Variants in CA10 observed in about 807,000 individuals in gnomAD.
CA10 encodes the protein carbonic anhydrase 10 (inactive).
CA10 carries 14 observed loss-of-function variants against 44.2 expected under a neutral mutation model. The ratio of observed to expected loss-of-function variants is 0.32; its 90% CI spans 0.21 to 0.50. The LOEUF is 0.50. Among genes scored for constraint, CA10 ranks in the 20% least tolerant of loss-of-function variants. CA10 has a pLI of 0.99. For missense variants in CA10, 350 were observed against 409.7 expected, an observed-to-expected ratio of 0.85 and a Z score of 1.26; for synonymous variants, 159 against 141.6, an observed-to-expected ratio of 1.12 and a Z score of -0.87.
rs187248339 is a variant in CA10, at chr17:51,640,832, C to T, written c.635-4823G>A. 1.5e-3 allele frequency among the ~76,000 whole-genome samples: 232 copies of T among 152,248 alleles called. 2 individuals carry two copies. Among genetic ancestry groups the T allele is most frequent in the Admixed American group, 6.4e-3 (98 of 15,292 alleles). On this transcript the variant is annotated intron_variant, in intron 6 of 8. Transcript: ENST00000451037. ...AAAACCATTGTTTGGTTCTTGTCAGCGTTATCGTCTGGGCATTATAGACAG... is the reference window on the plus strand; with the variant it reads ...AAAACCATTGTTTGGTTCTTGTCAGTGTTATCGTCTGGGCATTATAGACAG...
intron 4 of CA10, among the ~76,000 whole-genome samples, chr17:51,706,300 A>G (rs1915760948): frequency 6.6e-6 from 1 of 152,224 alleles, no homozygotes; most frequent in Admixed American, 6.5e-5. Context: ...TCTGGTCTGC[A>G]TTTGATTCCT....
chr17:51,636,775 T>TGTGTC (rs1555577669), intron 6 of CA10, among the ~76,000 whole-genome samples: 13 of 146,512 alleles, frequency 8.9e-5, no homozygotes, highest in African/African-American at 3.1e-4. Flanking sequence ...ACTGATTATT[T>TGTGTC]TGTGTGTGTG....
intron 4 of CA10, among the ~76,000 whole-genome samples, chr17:51,673,303 T>C (rs1914495272): frequency 6.6e-6 from 1 of 152,182 alleles, no homozygotes; most frequent in Non-Finnish European, 1.5e-5. Flanking sequence ...CAGCTGGTTG[T>C]AGTGAATCAT....
chr17:52,130,432 G>T (rs2143345671), intron 1 of CA10, among the ~76,000 whole-genome samples: 1 of 152,212 alleles, frequency 6.6e-6, no homozygotes, highest in South Asian at 2.1e-4. Flanking sequence ...AATGAATAAA[G>T]AAATGTGGTA....
intron 2 of CA10, among the ~76,000 whole-genome samples, chr17:51,987,113 C>G (rs981694037): frequency 3.3e-5 from 5 of 152,028 alleles, no homozygotes; most frequent in African/African-American, 1.2e-4. Context: ...CCCAAATGCC[C>G]ATCAATCAAT....
rs143717025 is a variant in CA10, at chr17:51,750,909, GACT to G, written c.280-3094_280-3092del. On this transcript the variant is annotated intron_variant, in intron 3 of 8. Transcript: ENST00000451037. ...TTATTGCCCATTGAATCAAGGCACT[GACT>G]ACATTTTATGCTTGTGTGAATTTTC... Among the ~76,000 whole-genome samples, 678 of 152,308 alleles carry G rather than the reference GACT, an allele frequency of 4.5e-3. 2 individuals carry two copies. The highest frequency in any genetic ancestry group is 6.9e-3 in the Non-Finnish European group (472 of 68,026).
intron 4 of CA10, among the ~76,000 whole-genome samples, chr17:51,707,673 G>GTA (rs1597998933): frequency 6.8e-6 from 1 of 147,132 alleles, no homozygotes; most frequent in East Asian, 2.0e-4. Context: ...GGATGAATAT[G>GTA]TGTGTGTGTG....
intron 4 of CA10, among the ~76,000 whole-genome samples, chr17:51,731,857 T>C (rs935889432): frequency 2.6e-5 from 4 of 152,138 alleles, no homozygotes; most frequent in African/African-American, 9.6e-5. Context: ...GTATTTTTAG[T>C]AGAGACAGGG....
At chr17:51,646,187 A>G (rs1913327868) in intron 6 of CA10, among the ~76,000 whole-genome samples, 1 of 152,210 alleles carries the variant, frequency 6.6e-6, no homozygotes, top group Non-Finnish European at 1.5e-5. Flanking sequence ...TCATTGGTCA[A>G]ATGACTTCAC....
chr17:51,862,600 T>C (rs935006321), intron 3 of CA10, among the ~76,000 whole-genome samples: 9 of 152,146 alleles, frequency 5.9e-5, no homozygotes, highest in African/African-American at 2.2e-4. Context: ...GAAACTATCT[T>C]TGCTTGGATC....
intron 2 of CA10, among the ~76,000 whole-genome samples, chr17:52,065,746 C>T (rs1987519142): frequency 1.3e-5 from 2 of 152,220 alleles, no homozygotes; most frequent in African/African-American, 4.8e-5. Context: ...ATTCCCAGAG[C>T]TCTTCTTGCA....
At chr17:52,065,560 G>A (rs1165536786) in intron 2 of CA10, among the ~76,000 whole-genome samples, 1 of 152,146 alleles carries the variant, frequency 6.6e-6, no homozygotes, top group African/African-American at 2.4e-5. Context: ...GCCCCTCACT[G>A]CTCCTATCTT....
intron 2 of CA10, among the ~76,000 whole-genome samples, chr17:52,056,465 G>T (rs868009412): frequency 5.3e-5 from 8 of 152,092 alleles, no homozygotes; most frequent in Non-Finnish European, 8.8e-5. Flanking sequence ...AGAGGAGCTG[G>T]CTTGCTAGTG....
chr17:51,976,398 T>A (rs1598148891), intron 2 of CA10, among the ~76,000 whole-genome samples: 1 of 152,170 alleles, frequency 6.6e-6, no homozygotes, highest in African/African-American at 2.4e-5. Flanking sequence ...AATAATCACA[T>A]AGATTGCATT....
chr17:51,850,032 A>G (rs1261201744), intron 3 of CA10, among the ~76,000 whole-genome samples: 1 of 152,244 alleles, frequency 6.6e-6, no homozygotes, highest in African/African-American at 2.4e-5. Context: ...CACATGCTGT[A>G]AGCAGGGAAG....
chr17:52,032,677 C>T (rs1986503272), intron 2 of CA10, among the ~76,000 whole-genome samples: 1 of 152,134 alleles, frequency 6.6e-6, no homozygotes, highest in Non-Finnish European at 1.5e-5. Context: ...AACCTTCCTT[C>T]TGCATGACAA....
chr17:52,069,663 TG>T (rs1176214611), intron 2 of CA10, among the ~76,000 whole-genome samples: 90 of 152,322 alleles, frequency 5.9e-4, no homozygotes, highest in Non-Finnish European at 8.8e-4. Flanking sequence ...CGCCCAAACT[TG>T]GTGCTCAGCA....
intron 6 of CA10, 36 bp downstream of exon 6, chr17:51,649,146 G>C: frequency 6.7e-7 from 1 of 1,494,494 alleles, no homozygotes. Context: ...AACCTTTATA[G>C]AATAGTTGCT....
intron 2 of CA10, among the ~76,000 whole-genome samples, chr17:52,058,763 G>T (rs1312352619): frequency 6.6e-6 from 1 of 152,150 alleles, no homozygotes; most frequent in African/African-American, 2.4e-5. Context: ...TGACCCCAAA[G>T]GTAGGGTTAG....
Sources: allele counts gnomAD v4.1 joint callset (sites outside exome capture counted in the v4.1 genomes callset), GRCh38; gene constraint gnomAD v4.1.1; transcripts MANE v1.5; gene names NCBI Gene and HGNC (gene_info 2026-07-23, HGNC 2026-07-21).